NUP155: variants seen among roughly 807,000 people sequenced by gnomAD.
NUP155 encodes nucleoporin 155.
A neutral mutation model predicts 180.4 loss-of-function variants in NUP155; 71 were observed. That is an observed-to-expected ratio of 0.39 (90% CI 0.33 to 0.48). NUP155 has a LOEUF of 0.48. Among genes scored for constraint, NUP155 ranks in the 20% least tolerant of loss-of-function variants. The probability of loss-of-function intolerance (pLI) is 0.91; values close to 1 mark genes in which losing one functional copy is unlikely to be tolerated. For synonymous variants in NUP155, 582 were observed against 559.5 expected (o/e 1.04, Z -0.57); for missense variants, 1,553 against 1,648.9 (o/e 0.94, Z 1.01).
At chr5:37,292,344 T>C (rs1742280507) in intron 34 of NUP155, among the ~76,000 whole-genome samples, 1 of 152,066 alleles carries the variant, frequency 6.6e-6, no homozygotes, top group Admixed American at 6.6e-5. Flanking sequence ...GCCTCCCGTG[T>C]AGCTGGGACT....
chr5:37,294,830 G>A (rs1742435472), intron 32 of NUP155, among the ~76,000 whole-genome samples: 1 of 152,112 alleles, frequency 6.6e-6, no homozygotes, highest in Non-Finnish European at 1.5e-5. Context: ...TGGCTGCCTA[G>A]GGCTGGAGGG....
At chr5:37,302,641 AATAAAT>A in intron 29 of NUP155, 132 bp downstream of exon 29, 3 of 845,092 alleles carry the variant, frequency 3.5e-6, no homozygotes, top group Non-Finnish European at 5.6e-6. Flanking sequence ...TAAACATAAA[AATAAAT>A]ATAAACAGAC....
At chr5:37,360,679 G>A (rs974834179) in intron 3 of NUP155, among the ~76,000 whole-genome samples, 1 of 150,200 alleles carries the variant, frequency 6.7e-6, no homozygotes, top group Non-Finnish European at 1.5e-5. Flanking sequence ...CCAGTTACTC[G>A]GGAGGCTGAG....
chr5:37,330,119 C>T lies in NUP155; in HGVS notation c.1643G>A (p.Cys548Tyr). 1 of 1,612,088 alleles carries T rather than the reference C, an allele frequency of 6.2e-7. No individual in the cohort carries two copies. The highest frequency in any genetic ancestry group is 8.5e-7 in the Non-Finnish European group (1 of 1,178,818). ...FFKLHQEDQA[C>Y]ATCLILACST... ...GCAAGCAAGAATAAGGCAAGTTGCA[C>T]AAGCCTGGTCTTCCTGTGTAAAAAG... is the stretch of plus-strand genomic sequence containing the variant. The change falls in exon 15 of 35, where the codon TGT becomes TAT. Residue 548 changes from cysteine to tyrosine, a missense_variant. By Grantham distance (194) the Cys-to-Tyr change is radical. Transcript: ENST00000231498.
intron 27 of NUP155, among the ~76,000 whole-genome samples, chr5:37,303,903 T>A (rs188696386): frequency 6.6e-6 from 1 of 151,970 alleles, no homozygotes; most frequent in African/African-American, 2.4e-5. Context: ...TATCGTGCCA[T>A]TGCACTGCAC....
chr5:37,342,669 G>A, intron 9 of NUP155, 23 bp from the exon 10 acceptor site: 4 of 1,418,098 alleles, frequency 2.8e-6, no homozygotes, highest in Non-Finnish European at 4.0e-6. Context: ...AGAAAATAAA[G>A]TGTATTTTTA....
chr5:37,337,872 T>C lies in NUP155; in HGVS notation c.1293A>G (p.Leu431=). ...GAAAAGTATCATGGTTGACACACCA[T>C]AAAATATCATTATCCTCATTTTCTG... is the stretch of plus-strand genomic sequence containing the variant. ...AASENEDNDI[L]WCVNHDTFPF... is the part of the protein sequence containing the mutation. Residue 431 remains leucine (L), a synonymous_variant, in exon 12 of 35, where the codon TTA becomes TTG. Transcript: ENST00000231498. The C allele has an allele frequency of 3.1e-6, 5 of 1,611,984 alleles. No homozygotes were observed. Among genetic ancestry groups the C allele is most frequent in the Non-Finnish European group, 4.2e-6 (5 of 1,178,870 alleles).
intron 4 of NUP155, among the ~76,000 whole-genome samples, chr5:37,353,969 A>G (rs1276753900): frequency 6.6e-6 from 1 of 152,234 alleles, no homozygotes; most frequent in Admixed American, 6.6e-5. Flanking sequence ...TACCACAATT[A>G]AAATATATAT....
chr5:37,346,345 G>T (rs2150981700), intron 9 of NUP155, among the ~76,000 whole-genome samples: 1 of 152,214 alleles, frequency 6.6e-6, no homozygotes, highest in East Asian at 1.9e-4. Context: ...AATGACAATA[G>T]AAGTTGAAAA....
At chr5:37,327,271 A>G (rs1744662228) in intron 18 of NUP155, 1 of 292,542 alleles carries the variant, frequency 3.4e-6, no homozygotes, top group Admixed American at 4.9e-5. Flanking sequence ...ATTACTTATC[A>G]GTGAGGCTTC....
At chr5:37,351,447 C>A in intron 5 of NUP155, 91 bp from the exon 6 acceptor site, 1 of 949,674 alleles carries the variant, frequency 1.1e-6, no homozygotes, top group Non-Finnish European at 1.6e-6. Flanking sequence ...TATGTTTACT[C>A]AATTCTTTTT....
chr5:37,328,949 C>T (rs868442710), intron 16 of NUP155, among the ~76,000 whole-genome samples: 1 of 152,062 alleles, frequency 6.6e-6, no homozygotes, highest in Non-Finnish European at 1.5e-5. Context: ...CATCTGTTTC[C>T]CTCTGAATAT....
chr5:37,321,937 C>A lies in NUP155; in HGVS notation c.2207+2055G>T, dbSNP rs1367070701. Among the ~76,000 whole-genome samples the A allele has an allele frequency of 3.3e-5, 5 of 152,144 alleles. No individual in the cohort carries two copies. In the South Asian group the frequency reaches 1.0e-3, roughly 32 times the overall value. ...ATGGCACGATCTGGGCTCACCGCAACCTCCGCCTCCCAGGTTTAAGTGATT... is the reference window on the plus strand; with the variant it reads ...ATGGCACGATCTGGGCTCACCGCAAACTCCGCCTCCCAGGTTTAAGTGATT... On this transcript the variant is annotated intron_variant, in intron 20 of 34. Transcript: ENST00000231498.
chr5:37,292,148 C>A (rs1742267317), intron 34 of NUP155, 110 bp from the exon 35 acceptor site: 6 of 989,350 alleles, frequency 6.1e-6, no homozygotes, highest in Non-Finnish European at 9.5e-6. Flanking sequence ...AGAGGAAAGA[C>A]CATGTGATTA....
At chr5:37,312,702 G>C (rs1292461588) in intron 22 of NUP155, among the ~76,000 whole-genome samples, 1 of 152,150 alleles carries the variant, frequency 6.6e-6, no homozygotes, top group Non-Finnish European at 1.5e-5. Flanking sequence ...AGTGGTGCGT[G>C]CCTATAGTAC....
chr5:37,359,200 TTA>T (rs984066871), intron 3 of NUP155, among the ~76,000 whole-genome samples: 6 of 149,692 alleles, frequency 4.0e-5, no homozygotes, highest in Non-Finnish European at 8.9e-5. Context: ...ATATTTTTCA[TTA>T]TATATATAAT....
chr5:37,358,041 T>A, intron 4 of NUP155, 40 bp downstream of exon 4: 1 of 1,368,296 alleles, frequency 7.3e-7, no homozygotes, highest in Non-Finnish European at 1.0e-6. Context: ...GGAGTTTACA[T>A]ATACAAACAT....
chr5:37,332,026 A>G (rs6884421), intron 13 of NUP155, among the ~76,000 whole-genome samples: 1 of 152,132 alleles, frequency 6.6e-6, no homozygotes, highest in African/African-American at 2.4e-5. Context: ...AAGATCATCT[A>G]CTTCTCTACT....
At chr5:37,347,206 C>A (rs533207792) in intron 9 of NUP155, among the ~76,000 whole-genome samples, 2 of 152,108 alleles carry the variant, frequency 1.3e-5, no homozygotes, top group East Asian at 1.9e-4. Context: ...CCAGCCTGGG[C>A]AACAGAGCGA....
Sources: gnomAD v4.1 joint callset for allele counts (sites outside exome capture counted in the v4.1 genomes callset) on GRCh38, gnomAD v4.1.1 for gene constraint, MANE v1.5 for transcripts, NCBI Gene and HGNC (gene_info 2026-07-23, HGNC 2026-07-21) for gene names.